Variants in NSUN6 observed in about 807,000 individuals in gnomAD.
NSUN6 encodes tRNA (cytosine(72)-C(5))-methyltransferase NSUN6.
A neutral mutation model predicts 58.0 loss-of-function variants in NSUN6; 64 were observed. That is an observed-to-expected ratio of 1.10 (90% confidence interval 0.90 to 1.36). NSUN6 has a LOEUF of 1.36. Ranked by LOEUF, NSUN6 falls within the 40% of genes most tolerant of loss-of-function variation. The pLI, the probability that NSUN6 is intolerant of heterozygous loss-of-function variation, is 0.00. For synonymous variants in NSUN6, 231 were observed against 193.9 expected (o/e 1.19, Z -1.59); for missense variants, 701 against 550.1 (o/e 1.27, Z -2.74).
chr10:18,546,123 C>T lies in NSUN6; in HGVS notation c.1220G>A (p.Gly407Glu), dbSNP rs1012434410. The T allele has an allele frequency of 6.2e-7, 1 of 1,613,142 alleles. No homozygotes were observed. Among genetic ancestry groups the T allele is most frequent in the East Asian group, 2.2e-5 (1 of 44,874 alleles). ...QPQEPQIGGE[G>E]MRGAGLSCEQ... Reference sequence around the variant, plus strand: ...ACATGAGAGCCCAGCTCCCCTCATTCCTTCTCCTCCAATCTGCGGTTCCTG... The same window carrying T: ...ACATGAGAGCCCAGCTCCCCTCATTTCTTCTCCTCCAATCTGCGGTTCCTG... The change falls in exon 11 of 11, where the codon GGA (glycine) becomes GAA (glutamate). Residue 407 changes from glycine (G) to glutamate (E), a missense_variant. Coordinates refer to ENST00000377304, the MANE Select transcript of NSUN6 (RefSeq NM_182543.5).
At chr10:18,555,581 G>A (rs2054936910) in intron 8 of NSUN6, among the ~76,000 whole-genome samples, 1 of 151,254 alleles carries the variant, frequency 6.6e-6, no homozygotes, top group East Asian at 2.0e-4. Flanking sequence ...ATGGAGAATG[G>A]AATGAAATGG....
chr10:18,549,399 C>A (rs1403536458), intron 9 of NSUN6, among the ~76,000 whole-genome samples: 1 of 152,168 alleles, frequency 6.6e-6, no homozygotes, highest in Non-Finnish European at 1.5e-5. Flanking sequence ...CTTATCTTTG[C>A]ATGTATGTCA....
intron 6 of NSUN6, among the ~76,000 whole-genome samples, chr10:18,607,428 T>C (rs1002435584): frequency 6.6e-5 from 10 of 152,214 alleles, no homozygotes; most frequent in South Asian, 2.1e-4. Context: ...CTGGTCTGCA[T>C]TGAATTAAGC....
chr10:18,583,232 G>C (rs1031954132), intron 8 of NSUN6, among the ~76,000 whole-genome samples: 1 of 152,122 alleles, frequency 6.6e-6, no homozygotes, highest in African/African-American at 2.4e-5. Flanking sequence ...CCCCTCCTCT[G>C]CTAACAATAG....
intron 8 of NSUN6, among the ~76,000 whole-genome samples, chr10:18,582,657 C>T (rs965590630): frequency 6.6e-6 from 1 of 152,176 alleles, no homozygotes; most frequent in Non-Finnish European, 1.5e-5. Context: ...ATAAAGCAAT[C>T]AATCTGCAAT....
chr10:18,643,242 C>T (rs966440484), intron 2 of NSUN6, among the ~76,000 whole-genome samples: 11 of 151,062 alleles, frequency 7.3e-5, no homozygotes, highest in Admixed American at 6.6e-4. Flanking sequence ...TATGTACCAG[C>T]ATACCACTGT....
chr10:18,554,704 T>C (rs1366425682), intron 8 of NSUN6, among the ~76,000 whole-genome samples: 1 of 147,596 alleles, frequency 6.8e-6, no homozygotes, highest in Non-Finnish European at 1.5e-5. Context: ...GAATGCAGAA[T>C]GGAAGAGAGA....
In NSUN6 at chr10:18,558,784, TGAGAATGGAATG is replaced by T. The variant is rs577361110; in HGVS notation, c.923-6825_923-6814del. 8.1e-3 allele frequency among the ~76,000 whole-genome samples: 1,168 copies of T among 144,762 alleles called. 11 individuals carry two copies. The highest frequency in any genetic ancestry group is 0.01 in the Non-Finnish European group (687 of 65,454). 95.0% of individuals were successfully genotyped at this position (144,762 alleles called of 152,430 possible). ...GTTGTTAAGGAGAATGGAATGGAAT[TGAGAATGGAATG>T]GACAATGGAATGGAAGGGAGAATGG... On this transcript the variant is annotated intron_variant, in intron 8 of 10. Coordinates refer to ENST00000377304, the MANE Select transcript of NSUN6 (RefSeq NM_182543.5).
intron 7 of NSUN6, among the ~76,000 whole-genome samples, chr10:18,592,043 CAA>C (rs901292658): frequency 9.2e-5 from 14 of 151,998 alleles, no homozygotes; most frequent in African/African-American, 3.4e-4. Flanking sequence ...AATCAGTGTG[CAA>C]AAAAATCACA....
At chr10:18,575,551 TC>T (rs2056605602) in intron 8 of NSUN6, among the ~76,000 whole-genome samples, 1 of 152,094 alleles carries the variant, frequency 6.6e-6, no homozygotes, top group Non-Finnish European at 1.5e-5. Context: ...TAAAAAGCTA[TC>T]CCAAACATTA....
chr10:18,556,162 G>A (rs929594098), intron 8 of NSUN6, among the ~76,000 whole-genome samples: 1 of 150,540 alleles, frequency 6.6e-6, no homozygotes, highest in Non-Finnish European at 1.5e-5. Context: ...AATGGAGAAT[G>A]GAATGGAATG....
chr10:18,546,299 G>A lies in NSUN6; in HGVS notation c.1198-154C>T, dbSNP rs116207136. On this transcript the variant is annotated intron_variant, in intron 10 of 10. Coordinates refer to ENST00000377304, the MANE Select transcript of NSUN6 (RefSeq NM_182543.5). The stretch of plus-strand genomic sequence containing the variant: ...TGCCTTTCATTTTGGTGGAACATAC[G>A]TGCTGCTTTCCAGACAGTAAAGTAG... 1.7e-3 allele frequency among the ~76,000 whole-genome samples: 257 copies of A among 152,294 alleles called. 1 individual carries two copies. The highest frequency in any genetic ancestry group is 5.9e-3 in the African/African-American group (245 of 41,562).
chr10:18,614,552 T>C lies in NSUN6; in HGVS notation c.483A>G (p.Gly161=), dbSNP rs761982297. 2 of 1,524,288 alleles carry C rather than the reference T, an allele frequency of 1.3e-6. No individual in the cohort carries two copies. Among genetic ancestry groups the C allele is most frequent in the Non-Finnish European group, 1.8e-6 (2 of 1,127,026 alleles). The allele number at this position is 1,524,288 out of a possible 1,614,324, so 94.4% of individuals were successfully genotyped here. ...YSDIKGKCKK[G]AKEFDGTKVF... The stretch of plus-strand genomic sequence containing the variant: ...CTTTTGTTCCATCAAATTCTTTGGC[T>C]CCTTTCTTACATTTTCCTTTAATAT... The change falls in exon 5 of 11, where the codon GGA becomes GGG. Residue 161 remains glycine (G), a synonymous_variant. Transcript: ENST00000377304.
chr10:18,581,700 C>A (rs952391193), intron 8 of NSUN6, among the ~76,000 whole-genome samples: 1 of 151,998 alleles, frequency 6.6e-6, no homozygotes, highest in Non-Finnish European at 1.5e-5. Context: ...GTGGCATGCG[C>A]CTGTAGTCCC....
At chr10:18,551,613 G>A in intron 9 of NSUN6, 1 of 412,574 alleles carries the variant, frequency 2.4e-6, no homozygotes, top group Non-Finnish European at 4.3e-6. Context: ...TGTTGTGCCT[G>A]TATCAGAATC....
rs539861084 is a variant in NSUN6, at chr10:18,546,267, G to A, written c.1198-122C>T. On this transcript the variant is annotated intron_variant, in intron 10 of 10. Transcript: ENST00000377304. ...CTACATCTTCCAAAAATAGAAAAAT[G>A]AGTAAATGCCTTTCATTTTGGTGGA... 3.8e-5 allele frequency: 28 copies of A among 745,322 alleles called. 1 individual carries two copies. The highest frequency in any genetic ancestry group is 6.5e-5 in the Non-Finnish European group (27 of 414,092). 46.2% of individuals were successfully genotyped at this position (745,322 alleles called of 1,614,324 possible).
intron 3 of NSUN6, among the ~76,000 whole-genome samples, chr10:18,628,882 C>G (rs1412499836): frequency 1.3e-5 from 2 of 152,118 alleles, no homozygotes; most frequent in East Asian, 1.9e-4. Context: ...GGCCAACATT[C>G]AGATTCAGGA....
intron 8 of NSUN6, among the ~76,000 whole-genome samples, chr10:18,568,933 G>A (rs4748487): frequency 0.21 from 29,357 of 137,628 alleles, 3,103 homozygotes; most frequent in South Asian, 0.34. Flanking sequence ...TCTCCATTTG[G>A]TTCTCCATTC....
chr10:18,555,899 G>GCAATGGA (rs2054972603), intron 8 of NSUN6, among the ~76,000 whole-genome samples: 4 of 131,914 alleles, frequency 3.0e-5, no homozygotes, highest in Non-Finnish European at 6.6e-5. Context: ...AGAATAGAAT[G>GCAATGGA]GAATGGAGAA....
Sources: allele counts gnomAD v4.1 joint callset (sites outside exome capture counted in the v4.1 genomes callset), GRCh38; gene constraint gnomAD v4.1.1; transcripts MANE v1.5; gene names NCBI Gene and HGNC (gene_info 2026-07-23, HGNC 2026-07-21).